The following CYP27C1 variants were observed in gnomAD, a reference collection of about 807,000 sequenced individuals.
CYP27C1 encodes cytochrome P450 27C1.
In CYP27C1, 29 loss-of-function variants were observed where a neutral mutation model predicts 40.6. That is an observed-to-expected ratio of 0.71 (90% CI 0.53 to 0.97). CYP27C1 has a LOEUF of 0.97. CYP27C1 is among the 50% of genes least tolerant of loss of function. The probability of loss-of-function intolerance (pLI) is 0.00; values close to 1 mark genes in which losing one functional copy is unlikely to be tolerated. For synonymous variants in CYP27C1, 198 were observed against 186.8 expected (o/e 1.06, Z -0.49); for missense variants, 390 against 485.8 (o/e 0.80, Z 1.85).
rs567520317 is a variant in CYP27C1 at position 127,196,219 on chromosome 2, C to T, written c.1048-718G>A. Among the ~76,000 whole-genome samples the T allele has an allele frequency of 4.0e-5, 6 of 149,678 alleles. No homozygotes were observed. The highest frequency in any genetic ancestry group is 4.3e-4 in the South Asian group (2 of 4,640). ...CTGGGACTACAGGCGCTCACCACCA[C>T]GCCCGGCTAATTTTTTGTATTTTTA... On this transcript the variant is annotated intron_variant, in intron 5 of 8. Coordinates refer to ENST00000664447, the MANE Select transcript of CYP27C1 (RefSeq NM_001367502.1). The surrounding 1 kb of genome is among the most constrained non-coding windows in gnomAD (Gnocchi z 4.5).
chr2:127,186,063 C>T lies in CYP27C1; in HGVS notation c.*1208G>A, dbSNP rs1037794292. The stretch of plus-strand genomic sequence containing the variant: ...CATCTCTATTTATGTATTTATTTTC[C>T]CTTGAAATAAAAATGTTCTAAAGTT... On this transcript the variant is annotated 3_prime_UTR_variant, in exon 9 of 9. Transcript: ENST00000664447. The surrounding 1 kb of genome is among the most constrained non-coding windows in gnomAD (Gnocchi z 4.5). The T allele has an allele frequency of 2.6e-5, 4 of 152,040 alleles. No individual in the cohort carries two copies. Among genetic ancestry groups the T allele is most frequent in the Non-Finnish European group, 5.9e-5 (4 of 68,020 alleles). The allele number at this position is 152,040 out of a possible 1,614,324, so 9.4% of individuals were successfully genotyped here.
intron 1 of CYP27C1, among the ~76,000 whole-genome samples, chr2:127,216,814 G>A (rs962751473): frequency 2.6e-5 from 4 of 152,170 alleles, no homozygotes; most frequent in Admixed American, 2.6e-4. Context: ...GCTGGGGAAA[G>A]TTACTAAGAC....
Position 127,209,178 on chromosome 2 carries a change from C to T in CYP27C1, c.283-3088G>A, listed in dbSNP as rs181149214. On this transcript the variant is annotated intron_variant, in intron 1 of 8. Coordinates refer to ENST00000664447, the MANE Select transcript of CYP27C1 (RefSeq NM_001367502.1). This position sits in a 1 kb window ranked among gnomAD's most constrained non-coding sequence, Gnocchi z 4.1. ...CCCATCATTGCTGCACTTCAGCCTC[C>T]TTGAGTGACATCTCCAGGCACAGGA... 1.6e-4 allele frequency among the ~76,000 whole-genome samples: 24 copies of T among 152,222 alleles called. No homozygotes were observed. The highest frequency in any genetic ancestry group is 5.5e-4 in the African/African-American group (23 of 41,546).
At chr2:127,206,128 C>G (rs1364555086) in intron 1 of CYP27C1, among the ~76,000 whole-genome samples, 38 bp from the exon 2 acceptor site, 1 of 152,222 alleles carries the variant, frequency 6.6e-6, no homozygotes, top group African/African-American at 2.4e-5. Context: ...GGAAAAAATA[C>G]ATAGATATGA....
chr2:127,195,497 G>T lies in CYP27C1; in HGVS notation c.1052C>A (p.Ser351Tyr). 6.2e-7 allele frequency: 1 copy of T among 1,613,824 alleles called. No individual in the cohort carries two copies. Among genetic ancestry groups the T allele is most frequent in the East Asian group, 2.2e-5 (1 of 44,860 alleles). Residue 351 changes from serine to tyrosine, a missense_variant, in exon 6 of 9, where the codon TCC becomes TAC. By Grantham distance (144) the Ser-to-Tyr change is moderately radical (BLOSUM62 -2). Transcript: ENST00000664447. This position sits in a 1 kb window ranked among gnomAD's most constrained non-coding sequence, Gnocchi z 6.2. ...EMLLAGVDTT[S>Y]FTLSWTVYLL... The stretch of plus-strand genomic sequence containing the variant: ...GTACACAGTCCAAGACAAGGTGAAG[G>T]ACGTCTAAGGAGAGAAAGTGGCAGA...
At chr2:127,212,501 G>A (rs1394888815) in intron 1 of CYP27C1, among the ~76,000 whole-genome samples, 1 of 152,190 alleles carries the variant, frequency 6.6e-6, no homozygotes, top group Non-Finnish European at 1.5e-5. Flanking sequence ...GGGATGCAAG[G>A]CTGTTTTAAC....
rs1391807946 is a variant in CYP27C1 at position 127,209,080 on chromosome 2, T to C, written c.283-2990A>G. ...CTCCAATAGGGGTTGTCAGATACCC[T>C]ATACAGAAGCAATCCTACTGGCATC... On this transcript the variant is annotated intron_variant, in intron 1 of 8. Transcript: ENST00000664447. The surrounding 1 kb of genome is among the most constrained non-coding windows in gnomAD (Gnocchi z 4.1). 6.6e-6 allele frequency among the ~76,000 whole-genome samples: 1 copy of C among 152,170 alleles called. No individual in the cohort carries two copies. Among genetic ancestry groups the C allele is most frequent in the Non-Finnish European group, 1.5e-5 (1 of 68,036 alleles).
intron 2 of CYP27C1, among the ~76,000 whole-genome samples, chr2:127,204,402 G>A (rs189574827): frequency 1.8e-4 from 20 of 113,414 alleles, no homozygotes; most frequent in Non-Finnish European, 2.8e-4. Flanking sequence ...GAAAGAGAGA[G>A]AGAAAGAAAG....
At position 127,200,979 on chromosome 2, in the gene CYP27C1, C is replaced by CA; in HGVS notation, c.883+142dup. ...CTCCGTCTCAAAAAAAAAAAAAATCCAAAAGTTATGGGTCCAAAAACTAAC... is the reference window on the plus strand; with the variant it reads ...CTCCGTCTCAAAAAAAAAAAAAATCCAAAAAGTTATGGGTCCAAAAACTAAC... On this transcript the variant is annotated intron_variant, in intron 4 of 8. Coordinates refer to ENST00000664447, the MANE Select transcript of CYP27C1 (RefSeq NM_001367502.1). The surrounding 1 kb of genome is among the most constrained non-coding windows in gnomAD (Gnocchi z 4.2). The CA allele has an allele frequency of 1.2e-6, 1 of 864,672 alleles. No homozygotes were observed. 53.6% of individuals were successfully genotyped at this position (864,672 alleles called of 1,614,324 possible).
intron 1 of CYP27C1, among the ~76,000 whole-genome samples, chr2:127,215,951 A>G (rs577322101): frequency 3.9e-5 from 6 of 152,334 alleles, no homozygotes; most frequent in African/African-American, 1.2e-4. Flanking sequence ...AAATAAGCAC[A>G]TGAAAATATG....
intron 5 of CYP27C1, among the ~76,000 whole-genome samples, chr2:127,198,186 T>TAC (rs3033450): frequency 0.02 from 2,973 of 148,158 alleles, 50 homozygotes; most frequent in African/African-American, 0.05. Flanking sequence ...AATTTGTTGA[T>TAC]ACACACACAC....
At position 127,195,822 on chromosome 2, in the gene CYP27C1, C is replaced by T. The variant is rs1448978853; in HGVS notation, c.1048-321G>A. Among the ~76,000 whole-genome samples, 1 of 152,050 alleles carries T rather than the reference C, an allele frequency of 6.6e-6. No individual in the cohort carries two copies. Among genetic ancestry groups the T allele is most frequent in the Non-Finnish European group, 1.5e-5 (1 of 68,028 alleles). Reference sequence around the variant, plus strand: ...CTGAAGAGCAATATGTCAGGGATGCCGTGGAGCCTGGAGGATCTGCTGGGA... The same window carrying T: ...CTGAAGAGCAATATGTCAGGGATGCTGTGGAGCCTGGAGGATCTGCTGGGA... On this transcript the variant is annotated intron_variant, in intron 5 of 8. Coordinates refer to ENST00000664447, the MANE Select transcript of CYP27C1 (RefSeq NM_001367502.1). The surrounding 1 kb of genome is among the most constrained non-coding windows in gnomAD (Gnocchi z 6.2).
intron 5 of CYP27C1, among the ~76,000 whole-genome samples, chr2:127,198,937 C>A (rs1458650330): frequency 6.6e-6 from 1 of 152,216 alleles, no homozygotes; most frequent in Non-Finnish European, 1.5e-5. Flanking sequence ...AGCCCCCCAG[C>A]AGTGCAGCAG....
intron 8 of CYP27C1, 86 bp downstream of exon 8, chr2:127,193,008 G>A: frequency 6.6e-7 from 1 of 1,516,636 alleles, no homozygotes; most frequent in Non-Finnish European, 8.9e-7. Flanking sequence ...AACCGTCTTT[G>A]CTTTTCAACC....
In CYP27C1 at chr2:127,201,299, C is replaced by T. The variant is rs370702608; in HGVS notation, c.706G>A (p.Gly236Ser). 9 of 1,613,880 alleles carry T rather than the reference C, an allele frequency of 5.6e-6. No homozygotes were observed. In the African/African-American group the frequency reaches 1.2e-4, roughly 22 times the overall value. ...TGTGGGATGCTGTTTTCCAGGCAGC[C>T]CAAACGACTCTCATAAAGGATGGTG... ...VATILYESRL[G>S]CLENSIPQLT... Residue 236 changes from glycine to serine, a missense_variant, in exon 4 of 9, where the codon GGC (glycine) becomes AGC (serine). Physicochemically the swap from Gly to Ser is moderately conservative, Grantham distance 56. Coordinates refer to ENST00000664447, the MANE Select transcript of CYP27C1 (RefSeq NM_001367502.1). The surrounding 1 kb of genome is among the most constrained non-coding windows in gnomAD (Gnocchi z 6.0).
intron 8 of CYP27C1, 119 bp downstream of exon 8, chr2:127,192,975 G>C: frequency 7.6e-7 from 1 of 1,309,586 alleles, no homozygotes; most frequent in Non-Finnish European, 1.0e-6. Flanking sequence ...AGTGCCTGAC[G>C]GCTCTTGATC....
intron 2 of CYP27C1, 67 bp from the exon 3 acceptor site, chr2:127,203,638 A>G (rs942411038): frequency 5.4e-5 from 82 of 1,520,032 alleles, no homozygotes; most frequent in Non-Finnish European, 7.2e-5. Context: ...AATTCAAGGA[A>G]CCTCTAGAAA....
At chr2:127,194,328 C>CT (rs948163422) in intron 6 of CYP27C1, among the ~76,000 whole-genome samples, 5 of 151,516 alleles carry the variant, frequency 3.3e-5, no homozygotes, top group African/African-American at 9.7e-5. Context: ...CCAGCTGCTT[C>CT]TTTTTTTTTA....
At chr2:127,194,069 T>A (rs1024650737) in intron 6 of CYP27C1, among the ~76,000 whole-genome samples, 2 of 152,246 alleles carry the variant, frequency 1.3e-5, no homozygotes, top group African/African-American at 4.8e-5. Flanking sequence ...CTGAGGAATG[T>A]GGAAAAGACT....
Sources: gnomAD v4.1 joint callset for allele counts (sites outside exome capture counted in the v4.1 genomes callset) on GRCh38, gnomAD v4.1.1 for gene constraint, Gnocchi (gnomAD v3.1) non-coding constraint, MANE v1.5 for transcripts, NCBI Gene and HGNC (gene_info 2026-07-23, HGNC 2026-07-21) for gene names.